The following KLHL20 variants were observed in gnomAD, a reference collection of about 807,000 sequenced individuals.
The protein encoded by KLHL20 is kelch like family member 20.
KLHL20 carries 29 observed loss-of-function variants against 69.5 expected under a neutral mutation model. The ratio of observed to expected loss-of-function variants is 0.42; its 90% CI spans 0.31 to 0.57. The LOEUF is 0.57. Among genes scored for constraint, KLHL20 ranks in the 20% least tolerant of loss-of-function variants. The pLI, the probability that KLHL20 is intolerant of heterozygous loss-of-function variation, is 0.18. For missense variants in KLHL20, 419 were observed against 776.0 expected (o/e 0.54, Z 5.47); for synonymous variants, 253 against 265.2 (o/e 0.95, Z 0.45).
At chr1:173,769,077 T>C (rs530165559) in intron 8 of KLHL20, among the ~76,000 whole-genome samples, 1 of 152,190 alleles carries the variant, frequency 6.6e-6, no homozygotes, top group African/African-American at 2.4e-5. Context: ...TCTAAAGGGC[T>C]TAGAAGAGGG....
At position 173,751,930 on chromosome 1, in the gene KLHL20, T is replaced by A. The variant is rs373432519; in HGVS notation, c.756+8T>A. ...CGTCCTCAATTACCCCAGGTAATGA[T>A]AGAAATTCTTCTCTAAGAAACTGCT... On this transcript the variant is annotated splice_region_variant and intron_variant, in intron 4 of 11. Transcript: ENST00000209884. 1.9e-6 allele frequency: 3 copies of A among 1,611,858 alleles called. No individual in the cohort carries two copies. In the African/African-American group the frequency reaches 4.0e-5, roughly 22 times the overall value.
chr1:173,735,546 T>TG (rs1672488988), intron 3 of KLHL20, among the ~76,000 whole-genome samples: 1 of 152,192 alleles, frequency 6.6e-6, no homozygotes, highest in African/African-American at 2.4e-5. Context: ...GTTTTACAAC[T>TG]TTTTAAAAAA....
chr1:173,725,924 A>G (rs1421619457), intron 2 of KLHL20, among the ~76,000 whole-genome samples: 1 of 152,200 alleles, frequency 6.6e-6, no homozygotes, highest in Non-Finnish European at 1.5e-5. Flanking sequence ...CAGCACACCG[A>G]GCGTGAGCCA....
chr1:173,740,628 A>G (rs539116483), intron 3 of KLHL20, among the ~76,000 whole-genome samples: 1 of 152,070 alleles, frequency 6.6e-6, no homozygotes, highest in South Asian at 2.1e-4. Flanking sequence ...TTTAATTTTC[A>G]TCTTGATTTC....
chr1:173,775,391 A>C lies in KLHL20; in HGVS notation c.1430-243A>C, dbSNP rs116651744. Reference sequence around the variant, plus strand: ...GTAGCTAATTAGTCATTTAGATAAAACTAGAACCAGAGTATCTGGATCCCA... The same window carrying C: ...GTAGCTAATTAGTCATTTAGATAAACCTAGAACCAGAGTATCTGGATCCCA... On this transcript the variant is annotated intron_variant, in intron 9 of 11. Transcript: ENST00000209884. Among the ~76,000 whole-genome samples, 1,194 of 152,278 alleles carry C rather than the reference A, an allele frequency of 7.8e-3. 10 individuals carry two copies. Among genetic ancestry groups the C allele is most frequent in the Non-Finnish European group, 0.013 (885 of 68,010 alleles).
rs568399719 is a variant in KLHL20 at position 173,753,170 on chromosome 1, T to A, written c.757-43T>A. The A allele has an allele frequency of 8.6e-6, 13 of 1,510,282 alleles. No individual in the cohort carries two copies. In the East Asian group the frequency reaches 2.6e-4, roughly 30 times the overall value. The allele number at this position is 1,510,282 out of a possible 1,614,324, so 93.6% of individuals were successfully genotyped here. ...CCTAGGCAACAGAGTAAGACCTATC[T>A]CAAAATTAATTAATTAAAATAATGG... On this transcript the variant is annotated intron_variant, in intron 4 of 11. Coordinates refer to ENST00000209884, the MANE Select transcript of KLHL20 (RefSeq NM_014458.4).
At chr1:173,777,062 C>A (rs1446294536) in intron 10 of KLHL20, among the ~76,000 whole-genome samples, 3 of 152,066 alleles carry the variant, frequency 2.0e-5, no homozygotes, top group African/African-American at 7.2e-5. Flanking sequence ...CATGGAATGT[C>A]TTTTCATTTT....
intron 10 of KLHL20, among the ~76,000 whole-genome samples, chr1:173,776,201 T>C (rs1648455134): frequency 6.6e-6 from 1 of 152,240 alleles, no homozygotes; most frequent in African/African-American, 2.4e-5. Context: ...GAGCACCTTT[T>C]CATATACCTG....
intron 3 of KLHL20, among the ~76,000 whole-genome samples, chr1:173,743,119 TAAA>T (rs34507412): frequency 0.2 from 27,364 of 136,850 alleles, 3,109 homozygotes; most frequent in African/African-American, 0.31. Flanking sequence ...AAGGAATGTG[TAAA>T]AAAAAAAAAA....
chr1:173,773,753 C>T (rs550398893), intron 8 of KLHL20, among the ~76,000 whole-genome samples: 1 of 151,752 alleles, frequency 6.6e-6, no homozygotes, highest in East Asian at 2.0e-4. Flanking sequence ...GTCACTCACG[C>T]CTGTAATCCC....
intron 7 of KLHL20, among the ~76,000 whole-genome samples, chr1:173,764,778 A>T (rs555747317): frequency 9.2e-5 from 14 of 152,302 alleles, no homozygotes; most frequent in Admixed American, 2.6e-4. Flanking sequence ...GGTGCCATGT[A>T]TACTGATGCA....
chr1:173,775,126 T>C (rs146726099), intron 9 of KLHL20, among the ~76,000 whole-genome samples: 64 of 152,314 alleles, frequency 4.2e-4, no homozygotes, highest in African/African-American at 1.5e-3. Flanking sequence ...TGTTATTCCT[T>C]TCTATTTAGA....
chr1:173,727,146 A>C (rs1040281827), intron 2 of KLHL20, among the ~76,000 whole-genome samples: 1 of 152,132 alleles, frequency 6.6e-6, no homozygotes, highest in African/African-American at 2.4e-5. Flanking sequence ...AAAGGGTATC[A>C]GTGATGGAAG....
At chr1:173,773,887 C>T (rs1269216018) in intron 8 of KLHL20, among the ~76,000 whole-genome samples, 3 of 151,990 alleles carry the variant, frequency 2.0e-5, no homozygotes, top group Admixed American at 1.3e-4. Context: ...GTGGCAGGCA[C>T]CTGTAGTCCC....
At chr1:173,759,532 T>C (rs1320944541) in intron 7 of KLHL20, among the ~76,000 whole-genome samples, 3 of 152,156 alleles carry the variant, frequency 2.0e-5, no homozygotes, top group African/African-American at 7.2e-5. Context: ...GACCCATAGA[T>C]GGTTCACATC....
intron 3 of KLHL20, among the ~76,000 whole-genome samples, chr1:173,739,339 T>C (rs1672686282): frequency 6.6e-6 from 1 of 152,196 alleles, no homozygotes; most frequent in Admixed American, 6.6e-5. Context: ...CCCAAAGTGC[T>C]GGGATTACAG....
rs956743702 is a variant in KLHL20 at position 173,747,084 on chromosome 1, T to C, written c.598-4680T>C. ...ATCAGTGTTTGCAGTAATTCTACTC[T>C]ATGAAATTTGCTTTCTTGGTAACCT... On this transcript the variant is annotated intron_variant, in intron 3 of 11. Coordinates refer to ENST00000209884, the MANE Select transcript of KLHL20 (RefSeq NM_014458.4). 2.0e-5 allele frequency among the ~76,000 whole-genome samples: 3 copies of C among 152,062 alleles called. No homozygotes were observed. In the South Asian group the frequency reaches 6.2e-4, roughly 31 times the overall value.
Position 173,775,712 on chromosome 1 carries a change from CAGT to C in KLHL20, c.1510_1512del (p.Val504del), listed in dbSNP as rs748152977. ...ACCCGGAGGAAACACCTAGGCTGTG[CAGT>C]ATATCAGGACATGATCTATGCTGTA... On this transcript the variant is annotated inframe_deletion, in exon 10 of 12. Coordinates refer to ENST00000209884, the MANE Select transcript of KLHL20 (RefSeq NM_014458.4). 1 of 1,614,130 alleles carries C rather than the reference CAGT, an allele frequency of 6.2e-7. No homozygotes were observed. Among genetic ancestry groups the C allele is most frequent in the Non-Finnish European group, 8.5e-7 (1 of 1,180,000 alleles).
chr1:173,719,437 C>T (rs1671618510), intron 2 of KLHL20, among the ~76,000 whole-genome samples: 1 of 151,854 alleles, frequency 6.6e-6, no homozygotes, highest in Admixed American at 6.6e-5. Context: ...ATGGTGAAAC[C>T]CCTTCTCTAC....
Sources: gnomAD v4.1 joint callset for allele counts (sites outside exome capture counted in the v4.1 genomes callset) on GRCh38, gnomAD v4.1.1 for gene constraint, MANE v1.5 for transcripts, NCBI Gene and HGNC (gene_info 2026-07-23, HGNC 2026-07-21) for gene names.